The following GLB1 variants were observed in gnomAD, a reference collection of about 807,000 sequenced individuals.
GLB1 encodes galactosidase beta 1.
Under a neutral mutation model 74.0 loss-of-function variants are expected in GLB1, and 56 were observed. The ratio of observed to expected loss-of-function variants is 0.76; its 90% CI spans 0.61 to 0.94. GLB1 has a LOEUF of 0.94. GLB1 is among the 40% of genes least tolerant of loss of function. The pLI is 0.00. For missense variants in GLB1, 787 were observed against 845.5 expected, an observed-to-expected ratio of 0.93 and a Z score of 0.86; for synonymous variants, 323 against 323.6, an observed-to-expected ratio of 1.00 and a Z score of 0.02.
At chr3:33,025,714 T>A (rs970434797) in intron 10 of GLB1, among the ~76,000 whole-genome samples, 12 of 150,634 alleles carry the variant, frequency 8.0e-5, no homozygotes, top group Non-Finnish European at 1.6e-4. Flanking sequence ...GCCATCACGC[T>A]GGCTGTGGCG....
intron 13 of GLB1, 71 bp downstream of exon 13, chr3:33,018,377 T>C: frequency 7.1e-7 from 1 of 1,403,504 alleles, no homozygotes; most frequent in Non-Finnish European, 9.9e-7. Context: ...CCAAATGCTG[T>C]GTTAACAAGT....
intron 15 of GLB1, among the ~76,000 whole-genome samples, chr3:32,998,621 C>T (rs561385742): frequency 6.6e-6 from 1 of 151,544 alleles, no homozygotes; most frequent in Admixed American, 6.6e-5. Flanking sequence ...GGGGAGATCA[C>T]ATACACGCAA....
chr3:33,024,326 C>T lies in GLB1; in HGVS notation c.1069-1G>A. 1 of 1,611,722 alleles carries T rather than the reference C, an allele frequency of 6.2e-7. No individual in the cohort carries two copies. Among genetic ancestry groups the T allele is most frequent in the South Asian group, 1.1e-5 (1 of 90,702 alleles). Reference sequence around the variant, plus strand: ...TAGGACCTTCTGGTACTTTTTCAAACTATAAACCAGAGTAGAAAAAGAGAG... The same window carrying T: ...TAGGACCTTCTGGTACTTTTTCAAATTATAAACCAGAGTAGAAAAAGAGAG... On this transcript the variant is annotated splice_acceptor_variant, in intron 10 of 15. Coordinates refer to ENST00000307363, the MANE Select transcript of GLB1 (RefSeq NM_000404.4). LOFTEE classifies it high-confidence loss of function.
In GLB1 at chr3:33,010,782, C is replaced by T. The variant is rs923646282; in HGVS notation, c.1734+3274G>A. ...GAAGTTTTATAGAGGAATTAAGTTA[C>T]AAATTAATAATTACAAGATATTTTT... On this transcript the variant is annotated intron_variant, in intron 15 of 15. Coordinates refer to ENST00000307363, the MANE Select transcript of GLB1 (RefSeq NM_000404.4). 4.6e-5 allele frequency among the ~76,000 whole-genome samples: 7 copies of T among 152,266 alleles called. No individual in the cohort carries two copies. In the South Asian group the frequency reaches 8.3e-4, roughly 18 times the overall value.
rs60798803 is a variant in GLB1 at position 33,092,304 on chromosome 3, A to G, written c.75+4707T>C. ...TCCTGATAGAATCAGAGGAAAAGAA[A>G]ATATTCTTCTCTAGCAGCCAGAGGG... On this transcript the variant is annotated intron_variant, in intron 1 of 15. Coordinates refer to ENST00000307363, the MANE Select transcript of GLB1 (RefSeq NM_000404.4). 1.1e-3 allele frequency: 1,054 copies of G among 987,002 alleles called. 9 individuals are homozygous for G. The African/African-American group carries it at 0.017, about 16-fold the overall frequency. 61.1% of individuals were successfully genotyped at this position (987,002 alleles called of 1,614,324 possible).
intron 1 of GLB1, among the ~76,000 whole-genome samples, chr3:33,074,344 G>A (rs36147108): frequency 0.68 from 41,715 of 61,202 alleles, 14,963 homozygotes; most frequent in East Asian, 0.86. Flanking sequence ...AAGGAAGGAA[G>A]GAAGGAAGGA....
chr3:33,081,001 G>C (rs1700302660), intron 1 of GLB1, among the ~76,000 whole-genome samples: 1 of 152,236 alleles, frequency 6.6e-6, no homozygotes, highest in African/African-American at 2.4e-5. Flanking sequence ...AGGAGGCATG[G>C]AGAGAGGGGG....
chr3:33,044,877 T>C (rs914086611), intron 10 of GLB1, among the ~76,000 whole-genome samples: 2 of 152,130 alleles, frequency 1.3e-5, no homozygotes, highest in South Asian at 2.1e-4. Flanking sequence ...AAACCCCACC[T>C]AGGTGCATTA....
At chr3:32,993,294 T>C (rs1696256413), downstream of GLB1, among the ~76,000 whole-genome samples, 2 of 151,924 alleles carry the variant, frequency 1.3e-5, no homozygotes, top group Non-Finnish European at 2.9e-5. Flanking sequence ...AGAAAGTAGG[T>C]AGTGTAAGGT....
chr3:33,007,696 G>T (rs1260705592), intron 15 of GLB1, among the ~76,000 whole-genome samples: 4 of 152,190 alleles, frequency 2.6e-5, no homozygotes, highest in Non-Finnish European at 5.9e-5. Flanking sequence ...TGTTTGAGTG[G>T]ACATATGGAT....
At chr3:33,080,941 G>A (rs913814846) in intron 1 of GLB1, among the ~76,000 whole-genome samples, 6 of 152,184 alleles carry the variant, frequency 3.9e-5, no homozygotes, top group African/African-American at 1.4e-4. Context: ...TAAGTGGGGT[G>A]GTAACGCCTC....
chr3:33,077,098 T>A, intron 1 of GLB1: 1 of 1,402,930 alleles, frequency 7.1e-7, no homozygotes, highest in Admixed American at 2.1e-5. Flanking sequence ...CCTCACCCAC[T>A]GCTGCCGCCT....
At chr3:32,993,889 G>A (rs969696161), downstream of GLB1, among the ~76,000 whole-genome samples, 2 of 151,848 alleles carry the variant, frequency 1.3e-5, no homozygotes, top group African/African-American at 2.4e-5. Context: ...GCCTAGTCTC[G>A]AATTCCTGGG....
chr3:33,069,040 G>C, intron 2 of GLB1, 70 bp from the exon 3 acceptor site: 1 of 1,612,542 alleles, frequency 6.2e-7, no homozygotes, highest in Non-Finnish European at 8.5e-7. Context: ...TGGGGAAAGG[G>C]CCTCATTAGG....
chr3:33,081,800 A>C (rs9825335), intron 1 of GLB1, among the ~76,000 whole-genome samples: 32,889 of 152,180 alleles, frequency 0.22, 5,637 homozygotes, highest in African/African-American at 0.46. Context: ...AGTGGCTCAT[A>C]AGCCACACGT....
At chr3:32,997,691 T>G (rs528691354) in intron 15 of GLB1, among the ~76,000 whole-genome samples, 1 of 152,228 alleles carries the variant, frequency 6.6e-6, no homozygotes, top group African/African-American at 2.4e-5. Flanking sequence ...CTGAATTTCA[T>G]CCTGGTTCCC....
At chr3:32,994,024 T>C (rs1024982157), downstream of GLB1, among the ~76,000 whole-genome samples, 1 of 152,200 alleles carries the variant, frequency 6.6e-6, no homozygotes. Context: ...AACAGTTCCT[T>C]AAACAGTTCA....
At chr3:33,020,849 T>A (rs1697439575) in intron 12 of GLB1, among the ~76,000 whole-genome samples, 1 of 152,164 alleles carries the variant, frequency 6.6e-6, no homozygotes, top group Admixed American at 6.5e-5. Context: ...TGGAGTGACA[T>A]GGTGCTGATA....
In GLB1 at chr3:33,092,992, C is replaced by T. The variant is rs375148498; in HGVS notation, c.75+4019G>A. On this transcript the variant is annotated intron_variant, in intron 1 of 15. Coordinates refer to ENST00000307363, the MANE Select transcript of GLB1 (RefSeq NM_000404.4). ...AAGGGATTCAGGAGATAGGCTGCTACGTTCAAGGGGAAGATCTGCCCAGCA... is the reference window on the plus strand; with the variant it reads ...AAGGGATTCAGGAGATAGGCTGCTATGTTCAAGGGGAAGATCTGCCCAGCA... 16 of 1,614,102 alleles carry T rather than the reference C, an allele frequency of 9.9e-6. No homozygotes were observed. The highest frequency in any genetic ancestry group is 1.4e-5 in the Non-Finnish European group (16 of 1,180,060).
Sources: gnomAD v4.1 joint callset for allele counts (sites outside exome capture counted in the v4.1 genomes callset) on GRCh38, gnomAD v4.1.1 for gene constraint, MANE v1.5 for transcripts, NCBI Gene and HGNC (gene_info 2026-07-23, HGNC 2026-07-21) for gene names.